EIPR1: variants seen among roughly 807,000 people sequenced by gnomAD.
The protein encoded by EIPR1 is EARP complex and GARP complex interacting protein 1.
Under a neutral mutation model 48.1 loss-of-function variants are expected in EIPR1, and 25 were observed. That is an observed-to-expected ratio of 0.52 (90% CI 0.38 to 0.73). The LOEUF (loss-of-function observed/expected upper bound fraction) is 0.73. Among genes scored for constraint, EIPR1 ranks in the 30% least tolerant of loss-of-function variants. The probability of loss-of-function intolerance (pLI) is 0.00; values close to 1 mark genes in which losing one functional copy is unlikely to be tolerated. For synonymous variants in EIPR1, 204 were observed against 201.9 expected (o/e 1.01, Z -0.09); for missense variants, 415 against 506.2 (o/e 0.82, Z 1.73).
chr2:3,236,023 C>T (rs185463445), intron 4 of EIPR1, among the ~76,000 whole-genome samples: 5 of 152,218 alleles, frequency 3.3e-5, no homozygotes, highest in East Asian at 3.9e-4. Context: ...CATCAACACC[C>T]GGGCACTCCT....
rs115976731 is a variant in EIPR1, at chr2:3,293,578, C to A, written c.260-36123G>T. ...TCAGCCACGACTGGACCAGTCCCCA[C>A]GGGCACCTCAGCCCCTTAACCTCTG... On this transcript the variant is annotated intron_variant, in intron 3 of 8. Transcript: ENST00000382125. 5.3e-5 allele frequency among the ~76,000 whole-genome samples: 8 copies of A among 152,304 alleles called. No individual in the cohort carries two copies. The East Asian group carries it at 1.3e-3, about 26-fold the overall frequency.
intron 3 of EIPR1, among the ~76,000 whole-genome samples, chr2:3,266,738 G>A (rs563419165): frequency 6.6e-6 from 1 of 152,322 alleles, no homozygotes; most frequent in East Asian, 1.9e-4. Context: ...AGACACAGTG[G>A]GCACAAGCAT....
At chr2:3,207,627 G>A (rs1361259023) in intron 5 of EIPR1, among the ~76,000 whole-genome samples, 1 of 152,224 alleles carries the variant, frequency 6.6e-6, no homozygotes, top group Non-Finnish European at 1.5e-5. Context: ...AGCCTGTGCC[G>A]AAGCTCCCCA....
intron 1 of EIPR1, among the ~76,000 whole-genome samples, chr2:3,362,627 G>GT (rs1670877103): frequency 6.7e-6 from 1 of 149,782 alleles, no homozygotes; most frequent in African/African-American, 2.5e-5. Context: ...TCCAGCCTGG[G>GT]TGACAGAGCG....
At chr2:3,200,753 G>A (rs370201804) in intron 5 of EIPR1, among the ~76,000 whole-genome samples, 18 of 152,228 alleles carry the variant, frequency 1.2e-4, no homozygotes, top group South Asian at 2.1e-4. Context: ...CAAGGCATCC[G>A]CGGTGAGTCT....
At chr2:3,256,599 T>C (rs552329378) in intron 4 of EIPR1, among the ~76,000 whole-genome samples, 44 of 152,354 alleles carry the variant, frequency 2.9e-4, no homozygotes, top group African/African-American at 9.9e-4. Context: ...CATGTGTATG[T>C]GTTAATGCAT....
chr2:3,284,081 GA>G (rs1337937189), intron 3 of EIPR1, among the ~76,000 whole-genome samples: 1 of 152,282 alleles, frequency 6.6e-6, no homozygotes, highest in African/African-American at 2.4e-5. Flanking sequence ...GTGCAAATGG[GA>G]GAGCCCACAG....
intron 4 of EIPR1, among the ~76,000 whole-genome samples, chr2:3,254,403 C>T (rs2694093): frequency 0.66 from 100,825 of 152,042 alleles, 33,676 homozygotes; most frequent in East Asian, 0.81. Context: ...TAGTCATAAT[C>T]GCCAAAAACA....
intron 3 of EIPR1, among the ~76,000 whole-genome samples, chr2:3,294,714 T>TCC (rs1325205706): frequency 2.9e-5 from 3 of 102,284 alleles, no homozygotes; most frequent in South Asian, 3.6e-4. Context: ...CCATCCTCTC[T>TCC]ACACACACCC....
At chr2:3,236,586 C>T (rs1184154338) in intron 4 of EIPR1, among the ~76,000 whole-genome samples, 1 of 152,212 alleles carries the variant, frequency 6.6e-6, no homozygotes, top group East Asian at 1.9e-4. Context: ...CAAGACCAGG[C>T]AGGCCAGGTA....
At chr2:3,369,659 G>A (rs1299972052) in intron 1 of EIPR1, among the ~76,000 whole-genome samples, 1 of 152,234 alleles carries the variant, frequency 6.6e-6, no homozygotes, top group Non-Finnish European at 1.5e-5. Context: ...AGATCAAACT[G>A]CAAGGTGGCA....
chr2:3,377,701 GCGACC>G lies in EIPR1; in HGVS notation c.-17_-13del. 1 of 1,576,444 alleles carries G rather than the reference GCGACC, an allele frequency of 6.3e-7. No individual in the cohort carries two copies. The highest frequency in any genetic ancestry group is 8.6e-7 in the Non-Finnish European group (1 of 1,160,692). Reference sequence around the variant, plus strand: ...GCATCGTCCTCCATGCTGCGGGGAAGCGACCCGACCCCGGCCACTCACACGCTAAG... The same window carrying G: ...GCATCGTCCTCCATGCTGCGGGGAAGCGACCCCGGCCACTCACACGCTAAG... On this transcript the variant is annotated 5_prime_UTR_variant, in exon 1 of 9. Coordinates refer to ENST00000382125, the MANE Select transcript of EIPR1 (RefSeq NM_003310.5).
chr2:3,275,139 T>A (rs1667809410), intron 3 of EIPR1, among the ~76,000 whole-genome samples: 2 of 152,270 alleles, frequency 1.3e-5, no homozygotes, highest in South Asian at 2.1e-4. Context: ...CTGAATTTTT[T>A]AAAAATCAGC....
intron 5 of EIPR1, among the ~76,000 whole-genome samples, chr2:3,202,443 G>A (rs1254311982): frequency 6.6e-6 from 1 of 152,206 alleles, no homozygotes; most frequent in East Asian, 1.9e-4. Context: ...TAATGAAAAG[G>A]CTGGATATTG....
intron 4 of EIPR1, among the ~76,000 whole-genome samples, chr2:3,238,179 T>C (rs921185171): frequency 3.3e-5 from 5 of 152,184 alleles, no homozygotes; most frequent in African/African-American, 1.2e-4. Context: ...TGTCTAAAAC[T>C]CAATGTTTCA....
intron 3 of EIPR1, among the ~76,000 whole-genome samples, chr2:3,276,037 T>C (rs1211674615): frequency 1.3e-5 from 2 of 152,204 alleles, no homozygotes; most frequent in African/African-American, 4.8e-5. Context: ...AAATAAGTAT[T>C]TTAAAAATTT....
intron 3 of EIPR1, among the ~76,000 whole-genome samples, chr2:3,317,560 G>A (rs568298065): frequency 6.6e-6 from 1 of 152,224 alleles, no homozygotes; most frequent in Non-Finnish European, 1.5e-5. Flanking sequence ...TGTGAGGGTC[G>A]AGTCTAGATA....
At chr2:3,373,730 A>C (rs1572495963) in intron 1 of EIPR1, among the ~76,000 whole-genome samples, 1 of 152,046 alleles carries the variant, frequency 6.6e-6, no homozygotes, top group African/African-American at 2.4e-5. Context: ...AATAGAAGAG[A>C]ATACAAACAA....
chr2:3,274,746 C>T (rs1416259635), intron 3 of EIPR1, among the ~76,000 whole-genome samples: 3 of 150,912 alleles, frequency 2.0e-5, no homozygotes, highest in Non-Finnish European at 4.4e-5. Context: ...ATAAAAATAC[C>T]CAAAGGTAAA....
Sources: allele counts gnomAD v4.1 joint callset (sites outside exome capture counted in the v4.1 genomes callset), GRCh38; gene constraint gnomAD v4.1.1; transcripts MANE v1.5; gene names NCBI Gene and HGNC (gene_info 2026-07-23, HGNC 2026-07-21).